SRP54: variants seen among roughly 807,000 people sequenced by gnomAD.
SRP54 encodes the protein signal recognition particle subunit SRP54.
SRP54 carries 10 observed loss-of-function variants against 64.8 expected under a neutral mutation model. The ratio of observed to expected loss-of-function variants is 0.15; its 90% CI spans 0.10 to 0.26. SRP54 has a LOEUF of 0.26. SRP54 is among the 10% of genes least tolerant of loss of function. The pLI, the probability that SRP54 is intolerant of heterozygous loss-of-function variation, is 1.00. For missense variants in SRP54, 325 were observed against 613.7 expected (o/e 0.53, Z 4.97); for synonymous variants, 193 against 185.6 (o/e 1.04, Z -0.32).
At chr14:34,995,188 T>TGTGTGTGTGTGTGTGTGTGTGTAG (rs1555353238) in intron 1 of SRP54, among the ~76,000 whole-genome samples, 1 of 79,890 alleles carries the variant, frequency 1.3e-5, no homozygotes, top group African/African-American at 4.5e-5. Context: ...TGTGTGTGTG[T>TGTGTGTGTGTGTGTGTGTGTGTAG]AGAGAGAGAG....
At chr14:34,992,855 CTTATTTAT>C (rs139297978) in intron 1 of SRP54, among the ~76,000 whole-genome samples, 22 of 151,392 alleles carry the variant, frequency 1.5e-4, no homozygotes, top group South Asian at 6.3e-4. Context: ...ACTAGTATGG[CTTATTTAT>C]TTATTTATTT....
chr14:34,999,514 GA>G, intron 2 of SRP54, 43 bp from the exon 3 acceptor site: 1 of 1,444,640 alleles, frequency 6.9e-7, no homozygotes, highest in Non-Finnish European at 9.7e-7. Context: ...GAACTGAAAT[GA>G]AACATTGGGT....
chr14:34,994,932 CTTTTTTTTTTTTTTTT>C (rs59058538), intron 1 of SRP54, among the ~76,000 whole-genome samples: 1 of 84,498 alleles, frequency 1.2e-5, no homozygotes, highest in African/African-American at 4.8e-5. Flanking sequence ...TGCCTGGCTA[CTTTTTTTTTTTTTTTT>C]TTTTTTTTTT....
At chr14:35,015,612 TACTA>T (rs142596953) in intron 11 of SRP54, among the ~76,000 whole-genome samples, 12,775 of 152,264 alleles carry the variant, frequency 0.084, 629 homozygotes, top group Non-Finnish European at 0.12. Context: ...ACGTACATAA[TACTA>T]ACTACTTCAT....
Position 35,029,388 on chromosome 14 carries a change from T to G in SRP54, c.*236T>G, listed in dbSNP as rs1460187670. ...GAAATCATTATATGTTTGCTTTAGATTTTCTTCTGTTTTCACCATCATAAC... is the reference window on the plus strand; with the variant it reads ...GAAATCATTATATGTTTGCTTTAGAGTTTCTTCTGTTTTCACCATCATAAC... On this transcript the variant is annotated 3_prime_UTR_variant, in exon 16 of 16. Coordinates refer to ENST00000216774, the MANE Select transcript of SRP54 (RefSeq NM_003136.4). The G allele has an allele frequency of 1.4e-5, 5 of 365,598 alleles. No homozygotes were observed. The highest frequency in any genetic ancestry group is 2.5e-5 in the Non-Finnish European group (5 of 202,218). 22.6% of individuals were successfully genotyped at this position (365,598 alleles called of 1,614,324 possible). A position where few individuals can be genotyped will look rare whatever the true frequency, so the allele number is the denominator to read the frequency against.
At chr14:34,999,014 G>GTTTTTT (rs67731588) in intron 2 of SRP54, among the ~76,000 whole-genome samples, 8 of 36,668 alleles carry the variant, frequency 2.2e-4, no homozygotes, top group Non-Finnish European at 3.8e-4. Context: ...TGTGTGTGTG[G>GTTTTTT]TTTTTTTTTT....
In SRP54 at chr14:35,013,823, G is replaced by C. The variant is rs757742080; in HGVS notation, c.807G>C (p.Pro269=). The C allele has an allele frequency of 3.1e-6, 5 of 1,609,858 alleles. No individual in the cohort carries two copies. The African/African-American group carries it at 6.7e-5, about 22-fold the overall frequency. Residue 269 remains proline, a synonymous_variant, in exon 10 of 16, where the codon CCG becomes CCC. Coordinates refer to ENST00000216774, the MANE Select transcript of SRP54 (RefSeq NM_003136.4). ...CCAGAGTCGCTGCCACAAAAAGTCCGATTATTTTCATTGGTACAGGGGAAC... is the reference window on the plus strand; with the variant it reads ...CCAGAGTCGCTGCCACAAAAAGTCCCATTATTTTCATTGGTACAGGGGAAC... ...ALSAVAATKS[P]IIFIGTGEHI... is the part of the protein sequence containing the mutation.
At chr14:34,994,932 CTTTTTTTTTTTTT>C (rs59058538) in intron 1 of SRP54, among the ~76,000 whole-genome samples, 1 of 84,498 alleles carries the variant, frequency 1.2e-5, no homozygotes, top group Non-Finnish European at 2.3e-5. Context: ...TGCCTGGCTA[CTTTTTTTTTTTTT>C]TTTTTTTTTT....
chr14:34,999,013 G>GTGTGTGT (rs67731589), intron 2 of SRP54, among the ~76,000 whole-genome samples: 1 of 39,576 alleles, frequency 2.5e-5, no homozygotes, highest in Non-Finnish European at 5.2e-5. Flanking sequence ...GTGTGTGTGT[G>GTGTGTGT]GTTTTTTTTT....
chr14:35,013,505 T>C lies in SRP54; in HGVS notation c.785+11T>C, dbSNP rs748349038. 21 of 1,610,978 alleles carry C rather than the reference T, an allele frequency of 1.3e-5. No individual in the cohort carries two copies. The African/African-American group carries it at 2.3e-4, about 17-fold the overall frequency. ...TGGTGCACTCAGTGCGTAAGTATCA[T>C]TGATACTGTTGTCCTCTGTCTTGGG... is the stretch of plus-strand genomic sequence containing the variant. On this transcript the variant is annotated intron_variant, in intron 9 of 15. Coordinates refer to ENST00000216774, the MANE Select transcript of SRP54 (RefSeq NM_003136.4).
chr14:35,014,288 T>TG (rs2044403332), intron 10 of SRP54, among the ~76,000 whole-genome samples: 17 of 126,756 alleles, frequency 1.3e-4, no homozygotes, highest in African/African-American at 2.8e-4. Context: ...TTTTTTTTTT[T>TG]TTTTTTGAGA....
At chr14:34,985,456 T>G (rs1180328385) in intron 1 of SRP54, among the ~76,000 whole-genome samples, 2 of 152,168 alleles carry the variant, frequency 1.3e-5, no homozygotes, top group Admixed American at 1.3e-4. Flanking sequence ...GCCATAACCA[T>G]TTGGTCATTA....
At chr14:34,999,803 T>G in intron 3 of SRP54, 154 bp downstream of exon 3, 1 of 520,072 alleles carries the variant, frequency 1.9e-6, no homozygotes, top group Non-Finnish European at 3.5e-6. Flanking sequence ...GGCGAGAGCA[T>G]GTGTAGTACG....
chr14:35,019,983 C>A (rs1361541253), intron 13 of SRP54, among the ~76,000 whole-genome samples: 1 of 151,978 alleles, frequency 6.6e-6, no homozygotes, highest in African/African-American at 2.4e-5. Context: ...AGGAGTTTGA[C>A]ACCAGCCTGG....
rs2044139513 is a variant in SRP54, at chr14:34,999,669, T to G, written c.170+20T>G. 2.6e-6 allele frequency: 4 copies of G among 1,547,828 alleles called. No homozygotes were observed. The highest frequency in any genetic ancestry group is 3.6e-6 in the Non-Finnish European group (4 of 1,120,656). On this transcript the variant is annotated intron_variant, in intron 3 of 15. Coordinates refer to ENST00000216774, the MANE Select transcript of SRP54 (RefSeq NM_003136.4). ...TGTTAAGTAAGTTAAATCAATCAGG[T>G]AAAACACAGGCACAGTTTAGTTTAG...
chr14:35,010,857 C>T (rs2044345793), intron 7 of SRP54, among the ~76,000 whole-genome samples: 1 of 152,118 alleles, frequency 6.6e-6, no homozygotes, highest in African/African-American at 2.4e-5. Context: ...AATGATACAG[C>T]CATCTGATAG....
intron 1 of SRP54, among the ~76,000 whole-genome samples, chr14:34,986,188 T>G (rs2043892902): frequency 6.6e-6 from 1 of 152,156 alleles, no homozygotes; most frequent in Non-Finnish European, 1.5e-5. Context: ...GTGATATTAT[T>G]TTACATAAAA....
chr14:34,997,852 AT>A (rs1449328093), intron 2 of SRP54, among the ~76,000 whole-genome samples: 3 of 152,172 alleles, frequency 2.0e-5, no homozygotes, highest in Non-Finnish European at 4.4e-5. Flanking sequence ...AACTTAAATC[AT>A]TGTTTGGTCT....
At chr14:34,999,437 C>T (rs1049345031) in intron 2 of SRP54, 121 bp from the exon 3 acceptor site, 2 of 625,404 alleles carry the variant, frequency 3.2e-6, no homozygotes, top group Non-Finnish European at 5.6e-6. Context: ...CAAGAACTAA[C>T]TGAAAAACCC....
Sources: gnomAD v4.1 joint callset for allele counts (sites outside exome capture counted in the v4.1 genomes callset) on GRCh38, gnomAD v4.1.1 for gene constraint, MANE v1.5 for transcripts, NCBI Gene and HGNC (gene_info 2026-07-23, HGNC 2026-07-21) for gene names.